The following AGAP3 variants were observed in gnomAD, a reference collection of about 807,000 sequenced individuals.
The protein encoded by AGAP3 is ArfGAP with GTPase domain, ankyrin repeat and PH domain 3.
In AGAP3, 24 loss-of-function variants were observed where a neutral mutation model predicts 96.9. The observed-to-expected ratio is 0.25, with a 90% confidence interval of 0.18 to 0.35. The LOEUF is 0.35. Ranked by LOEUF, AGAP3 falls within the 10% of genes least tolerant of loss-of-function variation. AGAP3 has a pLI of 1.00. For synonymous variants in AGAP3, 563 were observed against 536.1 expected, an observed-to-expected ratio of 1.05 and a Z score of -0.69; for missense variants, 876 against 1,254.2, an observed-to-expected ratio of 0.70 and a Z score of 4.55.
intron 8 of AGAP3, chr7:151,122,992 C>T: frequency 7.0e-7 from 1 of 1,418,842 alleles, no homozygotes; most frequent in Non-Finnish European, 9.2e-7. Flanking sequence ...GGGACCAGGC[C>T]CGGCCGGACG....
chr7:151,091,535 C>A (rs1440047796), intron 1 of AGAP3, among the ~76,000 whole-genome samples: 3 of 152,160 alleles, frequency 2.0e-5, no homozygotes, highest in Non-Finnish European at 4.4e-5. Flanking sequence ...GGGCTTGGTG[C>A]ACCTGGAGAG....
chr7:151,127,165 A>G (rs1352630244), intron 9 of AGAP3, among the ~76,000 whole-genome samples: 4 of 152,292 alleles, frequency 2.6e-5, no homozygotes, highest in Non-Finnish European at 1.5e-5. Flanking sequence ...GGAAGAACTT[A>G]GAGGAGGAAG....
At chr7:151,128,746 G>A (rs982736676) in intron 10 of AGAP3, 62 bp downstream of exon 10, 7 of 1,416,188 alleles carry the variant, frequency 4.9e-6, no homozygotes, top group Non-Finnish European at 7.0e-6. Flanking sequence ...GAGGATAACA[G>A]AATGCGGGTA....
chr7:151,089,399 AAC>A (rs1798296778), intron 1 of AGAP3, among the ~76,000 whole-genome samples: 1 of 151,434 alleles, frequency 6.6e-6, no homozygotes, highest in Non-Finnish European at 1.5e-5. Context: ...CTGTTACATA[AAC>A]ACAGTGTCAG....
chr7:151,106,870 TGCAGTG>T (rs1396924765), intron 1 of AGAP3, among the ~76,000 whole-genome samples: 1 of 152,188 alleles, frequency 6.6e-6, no homozygotes, highest in Non-Finnish European at 1.5e-5. Flanking sequence ...CACTGTTACC[TGCAGTG>T]GCCTAGAGCA....
At chr7:151,105,071 G>A (rs1350163772) in intron 1 of AGAP3, among the ~76,000 whole-genome samples, 1 of 152,138 alleles carries the variant, frequency 6.6e-6, no homozygotes, top group Non-Finnish European at 1.5e-5. Context: ...CAAAACAGTG[G>A]TTTTCTGAGC....
chr7:151,116,357 C>G (rs1211512453), intron 1 of AGAP3: 1 of 171,142 alleles, frequency 5.8e-6, no homozygotes, highest in African/African-American at 2.4e-5. Context: ...TGCCAGGGTG[C>G]GCTGTTCTTA....
Position 151,141,849 on chromosome 7 carries a change from G to T in AGAP3, c.1805-49G>T. ...GAGTTGTGGCGATAGCATGCCCTGG[G>T]TGTGCACGCAGGCCAGGAGCCCTGA... is the stretch of plus-strand genomic sequence containing the variant. On this transcript the variant is annotated intron_variant, in intron 13 of 17. Coordinates refer to ENST00000397238, the MANE Select transcript of AGAP3 (RefSeq NM_031946.7). This position sits in a 1 kb window ranked among gnomAD's most constrained non-coding sequence, Gnocchi z 4.2. The T allele has an allele frequency of 6.2e-7, 1 of 1,611,952 alleles. No individual in the cohort carries two copies. Among genetic ancestry groups the T allele is most frequent in the Non-Finnish European group, 8.5e-7 (1 of 1,178,102 alleles).
At chr7:151,089,002 C>A (rs1188388796) in intron 1 of AGAP3, among the ~76,000 whole-genome samples, 1 of 152,146 alleles carries the variant, frequency 6.6e-6, no homozygotes, top group African/African-American at 2.4e-5. Flanking sequence ...AGCCGCGGCT[C>A]ACACATCCGT....
At chr7:151,123,244 A>C in intron 8 of AGAP3, 1 of 1,056,120 alleles carries the variant, frequency 9.5e-7, no homozygotes, top group Non-Finnish European at 1.1e-6. Flanking sequence ...GCCTCCCCCT[A>C]TTTCCTAGGA....
chr7:151,100,420 C>T (rs1023176111), intron 1 of AGAP3, among the ~76,000 whole-genome samples: 2 of 152,204 alleles, frequency 1.3e-5, no homozygotes, highest in African/African-American at 2.4e-5. Context: ...AGATGTGTCG[C>T]GTTCCACTTC....
rs1409914831 is a variant in AGAP3, at chr7:151,108,078, C to A, written c.332-8715C>A. The stretch of plus-strand genomic sequence containing the variant: ...AGCTGCTAGAAAGCAGAGCTAAGCC[C>A]ACAGTTGCTGTTGCTGGTCAGAGCT... On this transcript the variant is annotated intron_variant, in intron 1 of 17. Coordinates refer to ENST00000397238, the MANE Select transcript of AGAP3 (RefSeq NM_031946.7). The surrounding 1 kb of genome is among the most constrained non-coding windows in gnomAD (Gnocchi z 4.2). 2.0e-5 allele frequency among the ~76,000 whole-genome samples: 3 copies of A among 152,226 alleles called. No individual in the cohort carries two copies. Among genetic ancestry groups the A allele is most frequent in the Non-Finnish European group, 4.4e-5 (3 of 68,044 alleles).
At chr7:151,115,693 A>C in intron 1 of AGAP3, 1 of 1,080,404 alleles carries the variant, frequency 9.3e-7, no homozygotes, top group Non-Finnish European at 1.1e-6. Context: ...CGCGGGAGAA[A>C]AGCCGGACGC....
rs1432802697 is a variant in AGAP3, at chr7:151,118,644, G to GC, written c.969+16dup. On this transcript the variant is annotated intron_variant, in intron 7 of 17. Transcript: ENST00000397238. This position sits in a 1 kb window ranked among gnomAD's most constrained non-coding sequence, Gnocchi z 6.1. ...TGCACATCAACCAGGTTCGGCCTGT[G>GC]CCCCGCCCTGCCCTTCCTGTCCCCA... 1.2e-6 allele frequency: 2 copies of GC among 1,609,346 alleles called. No homozygotes were observed. The highest frequency in any genetic ancestry group is 2.7e-5 in the African/African-American group (2 of 74,888).
chr7:151,114,913 GCGCCGC>G lies in AGAP3; in HGVS notation c.332-1878_332-1873del, dbSNP rs1799475276. 3 of 991,674 alleles carry G rather than the reference GCGCCGC, an allele frequency of 3.0e-6. No individual in the cohort carries two copies. Among genetic ancestry groups the G allele is most frequent in the African/African-American group, 1.8e-5 (1 of 56,842 alleles). The allele number at this position is 991,674 out of a possible 1,614,324, so 61.4% of individuals were successfully genotyped here. A position where few individuals can be genotyped will look rare whatever the true frequency, so the allele number is the denominator to read the frequency against. On this transcript the variant is annotated intron_variant, in intron 1 of 17. Transcript: ENST00000397238. This position sits in a 1 kb window ranked among gnomAD's most constrained non-coding sequence, Gnocchi z 4.4. Reference sequence around the variant, plus strand: ...GCCGCCGCCCTGCAGGCCGCCCTCTGCGCCGCCAGTGAGCAGCCGGCGCGGCCGCGG... The same window carrying G: ...GCCGCCGCCCTGCAGGCCGCCCTCTGCAGTGAGCAGCCGGCGCGGCCGCGG...
intron 1 of AGAP3, among the ~76,000 whole-genome samples, chr7:151,100,380 T>C (rs1798789691): frequency 1.3e-5 from 2 of 152,228 alleles, no homozygotes; most frequent in Admixed American, 1.3e-4. Flanking sequence ...CTTCTCTGTG[T>C]GGGTCCTGAG....
At chr7:151,089,454 T>C (rs533798160) in intron 1 of AGAP3, among the ~76,000 whole-genome samples, 2 of 152,068 alleles carry the variant, frequency 1.3e-5, no homozygotes, top group East Asian at 3.9e-4. Flanking sequence ...AGCCTCTCGG[T>C]GGAAAGGGGC....
chr7:151,111,873 CAG>C (rs1010798358), intron 1 of AGAP3, among the ~76,000 whole-genome samples: 7 of 152,156 alleles, frequency 4.6e-5, no homozygotes, highest in Admixed American at 2.6e-4. Flanking sequence ...CCTTAATAAA[CAG>C]AGAACTGACG....
chr7:151,116,803 G>A lies in AGAP3; in HGVS notation c.342G>A (p.Val114=), dbSNP rs1475081433. ...CTCTGTCTTCCGCAGACTCGTTTGT[G>A]AACAGCCAGGAGTGGACGCTGAGCC... ...EHVISIEDSF[V]NSQEWTLSRS... The change falls in exon 2 of 18, where the codon GTG becomes GTA. Residue 114 remains valine (V), a synonymous_variant. Transcript: ENST00000397238. 4 of 1,613,992 alleles carry A rather than the reference G, an allele frequency of 2.5e-6. No individual in the cohort carries two copies. In the South Asian group the frequency reaches 3.3e-5, roughly 13 times the overall value.
Sources: gnomAD v4.1 joint callset for allele counts (sites outside exome capture counted in the v4.1 genomes callset) on GRCh38, gnomAD v4.1.1 for gene constraint, Gnocchi (gnomAD v3.1) non-coding constraint, MANE v1.5 for transcripts, NCBI Gene and HGNC (gene_info 2026-07-23, HGNC 2026-07-21) for gene names.